NRTN: variants seen among roughly 807,000 people sequenced by gnomAD.
The protein encoded by NRTN is prepro-neurturin.
In NRTN, 3 loss-of-function variants were observed where a neutral mutation model predicts 7.5. That is an observed-to-expected ratio of 0.40 (90% CI 0.18 to 1.03). The LOEUF (loss-of-function observed/expected upper bound fraction) is 1.03. Ranked by LOEUF, NRTN falls within the 50% of genes least tolerant of loss-of-function variation. The probability of loss-of-function intolerance (pLI) is 0.34; values close to 1 mark genes in which losing one functional copy is unlikely to be tolerated. For missense variants in NRTN, 310 were observed against 307.0 expected (o/e 1.01, Z -0.07); for synonymous variants, 157 against 146.6 (o/e 1.07, Z -0.51).
In NRTN at chr19:5,820,738, G is replaced by GA. The variant is rs869276836; in HGVS notation, c.-398-3001dup. Among the ~76,000 whole-genome samples the GA allele has an allele frequency of 5.6e-3, 219 of 39,034 alleles. 6 individuals are homozygous for GA. Among genetic ancestry groups the GA allele is most frequent in the East Asian group, 0.011 (23 of 2,092 alleles). The allele number at this position is 39,034 out of a possible 152,430, so 25.6% of individuals were successfully genotyped here. On this transcript the variant is annotated intron_variant, in intron 1 of 2. Transcript: ENST00000303212. Reference sequence around the variant, plus strand: ...GCAACAGAGTGAAACTCTGTCTCAAGAAAAAAAAAAAAAAAAAAAAAAAAA... The same window carrying GA: ...GCAACAGAGTGAAACTCTGTCTCAAGAAAAAAAAAAAAAAAAAAAAAAAAAA...
chr19:5,818,760 C>T (rs2057014006), intron 1 of NRTN, among the ~76,000 whole-genome samples: 1 of 152,042 alleles, frequency 6.6e-6, no homozygotes, highest in South Asian at 2.1e-4. Flanking sequence ...TCCGCCACAC[C>T]CACATCACCC....
intron 1 of NRTN, among the ~76,000 whole-genome samples, chr19:5,816,883 G>A (rs2144760646): frequency 6.6e-6 from 1 of 152,352 alleles, no homozygotes; most frequent in East Asian, 1.9e-4. Context: ...GAGTGTGACT[G>A]TGAAAACGCC....
At chr19:5,825,326 G>A (rs2057042031) in intron 2 of NRTN, among the ~76,000 whole-genome samples, 1 of 152,208 alleles carries the variant, frequency 6.6e-6, no homozygotes, top group African/African-American at 2.4e-5. Flanking sequence ...CCACGCACAT[G>A]TCCATGCGTG....
At position 5,828,187 on chromosome 19, in the gene NRTN, G is replaced by A. The variant is rs1229001333; in HGVS notation, c.*14G>A. The A allele has an allele frequency of 1.4e-5, 22 of 1,528,928 alleles. No individual in the cohort carries two copies. Among genetic ancestry groups the A allele is most frequent in the Admixed American group, 1.2e-4 (6 of 50,556 alleles). 94.7% of individuals were successfully genotyped at this position (1,528,928 alleles called of 1,614,324 possible). On this transcript the variant is annotated 3_prime_UTR_variant, in exon 3 of 3. Coordinates refer to ENST00000303212, the MANE Select transcript of NRTN (RefSeq NM_004558.5). Reference sequence around the variant, plus strand: ...GCCTGCGTGTGACCCTACCTCACTCGGCCGGCGCGGCGGCCACTCCCCCCG... The same window carrying A: ...GCCTGCGTGTGACCCTACCTCACTCAGCCGGCGCGGCGGCCACTCCCCCCG...
rs1483432330 is a variant in NRTN at position 5,805,424 on chromosome 19, C to T, written c.-426C>T. 2.6e-5 allele frequency among the ~76,000 whole-genome samples: 4 copies of T among 151,038 alleles called. No individual in the cohort carries two copies. Among genetic ancestry groups the T allele is most frequent in the African/African-American group, 4.8e-5 (2 of 41,306 alleles). ...AGGGGCTGGGGCCGCGCGGCCGCCA[C>T]TGACGGGTAGTCCGGCGCCCACAGC... is the stretch of plus-strand genomic sequence containing the variant. On this transcript the variant is annotated 5_prime_UTR_variant, in exon 1 of 3. Coordinates refer to ENST00000303212, the MANE Select transcript of NRTN (RefSeq NM_004558.5).
intron 1 of NRTN, among the ~76,000 whole-genome samples, chr19:5,812,107 G>A (rs772852916): frequency 2.6e-5 from 4 of 151,410 alleles, no homozygotes; most frequent in African/African-American, 4.9e-5. Context: ...TCCTGACCTC[G>A]TGATCCACCC....
rs368989978 is a variant in NRTN, at chr19:5,826,134, C to CA, written c.170-1601dup. Among the ~76,000 whole-genome samples, 348 of 129,864 alleles carry CA rather than the reference C, an allele frequency of 2.7e-3. 1 individual carries two copies. Among genetic ancestry groups the CA allele is most frequent in the Middle Eastern group, 4.7e-3 (1 of 214 alleles). The allele number at this position is 129,864 out of a possible 152,430, so 85.2% of individuals were successfully genotyped here. On this transcript the variant is annotated intron_variant, in intron 2 of 2. Coordinates refer to ENST00000303212, the MANE Select transcript of NRTN (RefSeq NM_004558.5). ...TGGGCGACAGAGCGAGACTCCGTCT[C>CA]AAAAAAAAAAAAAAGATTATTCATT... is the stretch of plus-strand genomic sequence containing the variant.
chr19:5,826,277 C>T (rs1333710936), intron 2 of NRTN, among the ~76,000 whole-genome samples: 1 of 152,180 alleles, frequency 6.6e-6, no homozygotes, highest in Non-Finnish European at 1.5e-5. Flanking sequence ...CAGCACAGTC[C>T]TGGCCACTCC....
At chr19:5,809,115 C>T (rs1334373819) in intron 1 of NRTN, among the ~76,000 whole-genome samples, 1 of 151,660 alleles carries the variant, frequency 6.6e-6, no homozygotes, top group Non-Finnish European at 1.5e-5. Flanking sequence ...TCTGAGAAGC[C>T]CTCCTTGACT....
chr19:5,821,398 G>A (rs371364576), intron 1 of NRTN, among the ~76,000 whole-genome samples: 60 of 146,800 alleles, frequency 4.1e-4, no homozygotes, highest in East Asian at 3.8e-3. Flanking sequence ...TCCGCCTCCC[G>A]GGTTCAAGCG....
At chr19:5,811,595 C>T (rs1313537088) in intron 1 of NRTN, among the ~76,000 whole-genome samples, 4 of 152,130 alleles carry the variant, frequency 2.6e-5, no homozygotes, top group Non-Finnish European at 4.4e-5. Context: ...TGCACTGGCG[C>T]GATCTTGGCT....
At position 5,806,756 on chromosome 19, in the gene NRTN, A is replaced by G. The variant is rs148010725; in HGVS notation, c.-399+1305A>G. ...AAAACATTCCCCTCTTCAGCTGGGT[A>G]CTGCATCTGAAACTCCACCATCAGC... On this transcript the variant is annotated intron_variant, in intron 1 of 2. Transcript: ENST00000303212. The surrounding 1 kb of genome is among the most constrained non-coding windows in gnomAD (Gnocchi z 5.4). Among the ~76,000 whole-genome samples the G allele has an allele frequency of 6.6e-6, 1 of 152,298 alleles. No individual in the cohort carries two copies. The highest frequency in any genetic ancestry group is 2.4e-5 in the African/African-American group (1 of 41,564).
In NRTN at chr19:5,824,023, A is replaced by G; in HGVS notation, c.-143A>G. ...TTGTTCAATGGTTCCTTGAGGGACC[A>G]TTCCCATGTGATTATCGACCATTCG... On this transcript the variant is annotated 5_prime_UTR_variant, in exon 2 of 3. Coordinates refer to ENST00000303212, the MANE Select transcript of NRTN (RefSeq NM_004558.5). The G allele has an allele frequency of 9.1e-7, 1 of 1,100,940 alleles. No homozygotes were observed. Among genetic ancestry groups the G allele is most frequent in the Middle Eastern group, 2.9e-4 (1 of 3,490 alleles). The allele number at this position is 1,100,940 out of a possible 1,614,324, so 68.2% of individuals were successfully genotyped here. A position where few individuals can be genotyped will look rare whatever the true frequency, so the allele number is the denominator to read the frequency against.
Position 5,828,202 on chromosome 19 carries a change from C to G in NRTN, c.*29C>G. On this transcript the variant is annotated 3_prime_UTR_variant, in exon 3 of 3. Transcript: ENST00000303212. ...TACCTCACTCGGCCGGCGCGGCGGC[C>G]ACTCCCCCCGCCTCGACGGCACCAC... 1 of 1,526,798 alleles carries G rather than the reference C, an allele frequency of 6.5e-7. No individual in the cohort carries two copies. Among genetic ancestry groups the G allele is most frequent in the African/African-American group, 1.4e-5 (1 of 72,462 alleles). 94.6% of individuals were successfully genotyped at this position (1,526,798 alleles called of 1,614,324 possible).
In NRTN at chr19:5,828,009, G is replaced by GGGCTGCGAC; in HGVS notation, c.432_440dup (p.Arg147_Arg149dup). 1.4e-6 allele frequency: 2 copies of GGGCTGCGAC among 1,439,440 alleles called. No homozygotes were observed. The highest frequency in any genetic ancestry group is 1.8e-6 in the Non-Finnish European group (2 of 1,104,172). 89.2% of individuals were successfully genotyped at this position (1,439,440 alleles called of 1,614,324 possible). A position where few individuals can be genotyped will look rare whatever the true frequency, so the allele number is the denominator to read the frequency against. On this transcript the variant is annotated inframe_insertion, in exon 3 of 3. Transcript: ENST00000303212. Reference sequence around the variant, plus strand: ...GGCTGCCGCGCGCGTCTACGACCTCGGGCTGCGACGACTGCGCCAGCGGCG... The same window carrying GGGCTGCGAC: ...GGCTGCCGCGCGCGTCTACGACCTCGGGCTGCGACGGCTGCGACGACTGCGCCAGCGGCG...
intron 1 of NRTN, among the ~76,000 whole-genome samples, chr19:5,816,252 C>T (rs1443099582): frequency 6.6e-6 from 1 of 152,162 alleles, no homozygotes; most frequent in East Asian, 1.9e-4. Context: ...AGGGTCCATC[C>T]AGGATCCCAG....
intron 1 of NRTN, among the ~76,000 whole-genome samples, chr19:5,811,712 T>TGG (rs2056991096): frequency 6.8e-6 from 1 of 147,462 alleles, no homozygotes; most frequent in African/African-American, 2.5e-5. Context: ...TGTTTTTTGT[T>TGG]TTTTTTTTTT....
intron 1 of NRTN, among the ~76,000 whole-genome samples, chr19:5,822,419 G>A (rs778813): frequency 0.35 from 53,525 of 152,130 alleles, 9,697 homozygotes; most frequent in East Asian, 0.54. Flanking sequence ...CTAGGCAGCC[G>A]GGAGGGGGAA....
intron 1 of NRTN, among the ~76,000 whole-genome samples, chr19:5,823,458 G>A (rs2057033461): frequency 6.6e-6 from 1 of 152,094 alleles, no homozygotes; most frequent in Admixed American, 6.6e-5. Context: ...GGGAGTGGGA[G>A]TGGGGAGGGA....
Sources: allele counts gnomAD v4.1 joint callset (sites outside exome capture counted in the v4.1 genomes callset), GRCh38; gene constraint gnomAD v4.1.1; non-coding constraint Gnocchi (gnomAD v3.1); transcripts MANE v1.5; gene names NCBI Gene and HGNC (gene_info 2026-07-23, HGNC 2026-07-21).